Variants in CC2D2A observed in about 807,000 individuals in gnomAD.
CC2D2A encodes the protein coiled-coil and C2 domain-containing protein 2A.
A neutral mutation model predicts 212.9 loss-of-function variants in CC2D2A; 155 were observed. That is an observed-to-expected ratio of 0.73 (90% CI 0.64 to 0.83). The LOEUF is 0.83. CC2D2A is among the 40% of genes least tolerant of loss of function. The pLI is 0.00. For missense variants in CC2D2A, 1,856 were observed against 1,956.2 expected, an observed-to-expected ratio of 0.95 and a Z score of 0.97; for synonymous variants, 667 against 686.5, an observed-to-expected ratio of 0.97 and a Z score of 0.44.
chr4:15,546,386 T>A (rs1421728344), intron 17 of CC2D2A, among the ~76,000 whole-genome samples: 3 of 152,238 alleles, frequency 2.0e-5, no homozygotes, highest in African/African-American at 7.2e-5. Flanking sequence ...TGGGTGCCTT[T>A]TAAATTTTTT....
intron 24 of CC2D2A, among the ~76,000 whole-genome samples, chr4:15,565,957 A>T (rs1180451168): frequency 6.6e-6 from 1 of 152,176 alleles, no homozygotes; most frequent in Non-Finnish European, 1.5e-5. Flanking sequence ...CCAAAAAGAA[A>T]AGAGCTTTTC....
intron 28 of CC2D2A, among the ~76,000 whole-genome samples, chr4:15,570,840 A>G (rs1415001335): frequency 6.6e-6 from 1 of 152,148 alleles, no homozygotes; most frequent in East Asian, 1.9e-4. Flanking sequence ...GTGAGCCAAG[A>G]TCGCGCCATT....
chr4:15,578,303 C>A (rs1380361118), intron 29 of CC2D2A, among the ~76,000 whole-genome samples: 1 of 152,192 alleles, frequency 6.6e-6, no homozygotes. Context: ...ATAACCCCTA[C>A]AACCACTACT....
intron 1 of CC2D2A, 98 bp downstream of exon 1, chr4:15,470,155 G>A (rs572601157): frequency 6.6e-6 from 1 of 152,196 alleles, no homozygotes; most frequent in East Asian, 1.9e-4. Context: ...CCGTGAGACT[G>A]GATTTAATGA....
intron 16 of CC2D2A, among the ~76,000 whole-genome samples, chr4:15,538,967 G>C (rs1718280052): frequency 6.6e-6 from 1 of 152,096 alleles, no homozygotes; most frequent in African/African-American, 2.4e-5. Context: ...GGGAGGCTGA[G>C]GCAGGAGGAT....
intron 13 of CC2D2A, among the ~76,000 whole-genome samples, chr4:15,532,458 T>C (rs916816164): frequency 5.3e-5 from 8 of 152,200 alleles, no homozygotes; most frequent in African/African-American, 1.7e-4. Context: ...CTCACACTGA[T>C]ATCATTTATG....
chr4:15,520,659 C>T (rs13131119), intron 11 of CC2D2A, among the ~76,000 whole-genome samples: 18,987 of 152,244 alleles, frequency 0.12, 1,328 homozygotes, highest in African/African-American at 0.18. Context: ...TAAAACCAGA[C>T]GGCAGAATGC....
chr4:15,586,170 G>A lies in CC2D2A; in HGVS notation c.3989G>A (p.Arg1330Gln), dbSNP rs763486732. 1.7e-5 allele frequency: 28 copies of A among 1,609,868 alleles called. No homozygotes were observed. The highest frequency in any genetic ancestry group is 1.6e-4 in the Middle Eastern group (1 of 6,070). ...NLQATAELVA[R>Q]YVSLIPFLPD... ...TTGATTATACAGGAACTGGTGGCTC[G>A]ATATGTGTCCTTGATTCCCTTCTTG... Residue 1330 changes from arginine (R) to glutamine (Q), a missense_variant, in exon 31 of 37, where the codon CGA becomes CAA. Arg to Gln is a conservative substitution (Grantham distance 43). Transcript: ENST00000424120.
chr4:15,490,407 C>T (rs1344529156), intron 4 of CC2D2A, among the ~76,000 whole-genome samples: 1 of 152,206 alleles, frequency 6.6e-6, no homozygotes, highest in Non-Finnish European at 1.5e-5. Flanking sequence ...TAGTGATTTG[C>T]ACCTGACCTC....
intron 28 of CC2D2A, among the ~76,000 whole-genome samples, chr4:15,571,144 AAAC>A (rs1343826665): frequency 2.6e-5 from 4 of 152,254 alleles, no homozygotes; most frequent in Non-Finnish European, 5.9e-5. Context: ...AAACTTGTCA[AAAC>A]AACAAAGGTG....
intron 6 of CC2D2A, 108 bp from the exon 7 acceptor site, chr4:15,510,031 A>T: frequency 3.8e-6 from 3 of 780,002 alleles, no homozygotes. Flanking sequence ...AAGATGCAGC[A>T]GCAGTCAGAA....
chr4:15,525,482 T>G (rs1289157237), intron 11 of CC2D2A, among the ~76,000 whole-genome samples: 1 of 152,078 alleles, frequency 6.6e-6, no homozygotes, highest in African/African-American at 2.4e-5. Flanking sequence ...CTAATAATAC[T>G]AATGCAGTTT....
intron 8 of CC2D2A, among the ~76,000 whole-genome samples, chr4:15,512,688 G>A (rs546219952): frequency 5.9e-5 from 9 of 152,158 alleles, no homozygotes; most frequent in South Asian, 4.2e-4. Context: ...GGCCGGGTGC[G>A]GTGGCCTGTA....
intron 27 of CC2D2A, among the ~76,000 whole-genome samples, chr4:15,569,909 T>G (rs1372502372): frequency 6.6e-6 from 1 of 152,178 alleles, no homozygotes; most frequent in Non-Finnish European, 1.5e-5. Context: ...ATGCCTAACT[T>G]TCTGGGAATG....
At chr4:15,586,488 C>G (rs1247623601) in intron 31 of CC2D2A, among the ~76,000 whole-genome samples, 2 of 152,108 alleles carry the variant, frequency 1.3e-5, no homozygotes, top group Non-Finnish European at 2.9e-5. Context: ...TGTCTTAATG[C>G]TGATTTACCC....
intron 4 of CC2D2A, among the ~76,000 whole-genome samples, chr4:15,500,103 GTGTGTATATATATATA>G (rs1261763841): frequency 2.7e-5 from 2 of 73,160 alleles, no homozygotes; most frequent in African/African-American, 7.6e-5. Flanking sequence ...GTGTGTGTGT[GTGTGTATATATATATA>G]TATATATATA....
intron 17 of CC2D2A, among the ~76,000 whole-genome samples, chr4:15,549,049 A>G (rs1386111330): frequency 1.3e-5 from 2 of 152,204 alleles, no homozygotes; most frequent in East Asian, 3.8e-4. Context: ...AATATCTATT[A>G]TAGATACATA....
At position 15,527,563 on chromosome 4, in the gene CC2D2A, C is replaced by A. The variant is rs1229319521; in HGVS notation, c.1266C>A (p.Ser422Arg). The part of the protein sequence containing the change: ...GLIFTHHPCF[S>R]REHVLAAKLA... Reference sequence around the variant, plus strand: ...TCTTCACTCATCATCCCTGTTTTAGCCGAGAGCATGTTTTGGCAGCCAAGC... The same window carrying A: ...TCTTCACTCATCATCCCTGTTTTAGACGAGAGCATGTTTTGGCAGCCAAGC... The change falls in exon 12 of 37, where the codon AGC becomes AGA. Residue 422 changes from serine (S) to arginine (R), a missense_variant. By Grantham distance (110) the Ser-to-Arg change is moderately radical (BLOSUM62 -1). Transcript: ENST00000424120. 6.2e-7 allele frequency: 1 copy of A among 1,613,228 alleles called. No individual in the cohort carries two copies.
Position 15,569,342 on chromosome 4 carries a change from G to C in CC2D2A, c.3448G>C (p.Val1150Leu), listed in dbSNP as rs1577384388. The change falls in exon 27 of 37, where the codon GTT becomes CTT. Residue 1150 changes from valine to leucine, a missense_variant. Physicochemically the swap from Val to Leu is conservative, Grantham distance 32. This residue lies in a region of CC2D2A where 1,512 missense variants were observed against 1,579.3 expected (regional missense o/e 0.96). Coordinates refer to ENST00000424120, the MANE Select transcript of CC2D2A (RefSeq NM_001378615.1). ...AGCCAGTCTGCAGTCAGTGAAAGAT[G>C]TTGTGTTCATTAACATTTTTGATGA... Reference protein sequence around the residue: ...STASLQSVKDVVFINIFDEVL... With the variant: ...STASLQSVKDLVFINIFDEVL... The C allele has an allele frequency of 6.3e-7, 1 of 1,583,384 alleles. No homozygotes were observed. Among genetic ancestry groups the C allele is most frequent in the South Asian group, 1.2e-5 (1 of 86,336 alleles).
Sources: gnomAD v4.1 joint callset for allele counts (sites outside exome capture counted in the v4.1 genomes callset) on GRCh38, gnomAD v4.1.1 for gene constraint, gnomAD v4.1.1 regional missense constraint, MANE v1.5 for transcripts, NCBI Gene and HGNC (gene_info 2026-07-23, HGNC 2026-07-21) for gene names.